CCDC3: variants seen among roughly 807,000 people sequenced by gnomAD.
CCDC3 encodes the protein coiled-coil domain-containing protein 3.
In CCDC3, 24 loss-of-function variants were observed where a neutral mutation model predicts 21.4. That is an observed-to-expected ratio of 1.12 (90% confidence interval 0.81 to 1.58). The LOEUF is 1.58. Among genes scored for constraint, CCDC3 ranks in the 40% most tolerant of loss-of-function variants. The probability of loss-of-function intolerance (pLI) is 0.00; values close to 1 mark genes in which losing one functional copy is unlikely to be tolerated. For missense variants in CCDC3, 425 were observed against 360.9 expected, an observed-to-expected ratio of 1.18 and a Z score of -1.44; for synonymous variants, 186 against 166.0, an observed-to-expected ratio of 1.12 and a Z score of -0.93.
At chr10:13,079,923 A>G (rs1188807869) in intron 3 of CCDC3, among the ~76,000 whole-genome samples, 1 of 152,208 alleles carries the variant, frequency 6.6e-6, no homozygotes, top group Non-Finnish European at 1.5e-5. Context: ...AGGTTAAAAA[A>G]AGAAAGGGAA....
rs115869147 is a variant in CCDC3, at chr10:12,996,787, G to T, written c.549+1551C>A. 9.5e-3 allele frequency among the ~76,000 whole-genome samples: 1,442 copies of T among 152,112 alleles called. 23 individuals are homozygous for T. The highest frequency in any genetic ancestry group is 0.033 in the African/African-American group (1,360 of 41,534). On this transcript the variant is annotated intron_variant, in intron 2 of 2. Transcript: ENST00000378825. ...TTGAATCCTGTCCTTTGCAGACATG[G>T]ATGCAGCTGGAGGCCATTATCCTAA...
At chr10:12,940,379 A>G (rs1486938944) in intron 2 of CCDC3, among the ~76,000 whole-genome samples, 1 of 152,162 alleles carries the variant, frequency 6.6e-6, no homozygotes, top group Non-Finnish European at 1.5e-5. Context: ...TGAAAAGATC[A>G]GCAAGAACCT....
At chr10:13,026,934 C>A (rs549791221) in intron 5 of CCDC3, among the ~76,000 whole-genome samples, 2 of 152,200 alleles carry the variant, frequency 1.3e-5, no homozygotes, top group Admixed American at 1.3e-4. Context: ...TCCTCCTGAA[C>A]AGATCCGTCA....
chr10:13,013,779 G>A (rs1836013869), intron 5 of CCDC3, among the ~76,000 whole-genome samples: 1 of 152,054 alleles, frequency 6.6e-6, no homozygotes, highest in Non-Finnish European at 1.5e-5. Flanking sequence ...CAAAATAACT[G>A]GCCTATAATC....
chr10:12,919,361 C>G (rs561255896), intron 2 of CCDC3, among the ~76,000 whole-genome samples: 2 of 151,976 alleles, frequency 1.3e-5, no homozygotes, highest in East Asian at 1.9e-4. Context: ...AGGCTGAGGC[C>G]GGCGGATCAC....
chr10:13,052,760 T>G, intron 4 of CCDC3, among the ~76,000 whole-genome samples: 1 of 152,098 alleles, frequency 6.6e-6, no homozygotes, highest in South Asian at 2.1e-4. Context: ...GCCAGCATGG[T>G]GAAACCCTGT....
intron 2 of CCDC3, among the ~76,000 whole-genome samples, chr10:12,937,325 T>G (rs1161508635): frequency 6.6e-6 from 1 of 152,182 alleles, no homozygotes; most frequent in Admixed American, 6.5e-5. Flanking sequence ...CCTATTTATT[T>G]TCACTCATTT....
At chr10:13,009,303 A>G (rs558716379) in intron 5 of CCDC3, among the ~76,000 whole-genome samples, 11 of 152,216 alleles carry the variant, frequency 7.2e-5, no homozygotes, top group Non-Finnish European at 1.5e-4. Context: ...TATTTTTTTC[A>G]TAGGTTGGGA....
intron 2 of CCDC3, among the ~76,000 whole-genome samples, chr10:12,918,987 C>T (rs970099726): frequency 3.3e-5 from 5 of 152,068 alleles, no homozygotes; most frequent in East Asian, 3.9e-4. Context: ...ACCCGGGAGG[C>T]GGAGCTTGCA....
rs145984558 is a variant in CCDC3, at chr10:13,024,248, GA to G, written c.-2+25425del. 4.5e-3 allele frequency among the ~76,000 whole-genome samples: 683 copies of G among 151,670 alleles called. 30 individuals carry two copies. In the South Asian group the frequency reaches 0.076, roughly 17 times the overall value. ...TTAGTTTTTTTTTTCAGTCCAGGCTGATATAATTTTATTAAAATTTGTATAG... is the reference window on the plus strand; with the variant it reads ...TTAGTTTTTTTTTTCAGTCCAGGCTGTATAATTTTATTAAAATTTGTATAG... On this transcript the variant is annotated intron_variant, in intron 5 of 6. Transcript: ENST00000378839.
chr10:12,978,685 T>C, intron 2 of CCDC3, among the ~76,000 whole-genome samples: 1 of 152,016 alleles, frequency 6.6e-6, no homozygotes, highest in East Asian at 1.9e-4. Flanking sequence ...GCAAACCTAG[T>C]CTGCAGACAC....
chr10:12,918,065 A>C (rs560128309), intron 2 of CCDC3, among the ~76,000 whole-genome samples: 13 of 152,292 alleles, frequency 8.5e-5, no homozygotes, highest in African/African-American at 3.1e-4. Context: ...AAGCTTTTCC[A>C]AGTAGCAAAT....
intron 3 of CCDC3, among the ~76,000 whole-genome samples, chr10:13,084,839 G>A (rs1837083829): frequency 6.6e-6 from 1 of 152,172 alleles, no homozygotes; most frequent in Admixed American, 6.5e-5. Context: ...AGGAAGGAGA[G>A]CACAGTATGG....
chr10:13,079,942 T>C (rs1330593699), intron 3 of CCDC3, among the ~76,000 whole-genome samples: 1 of 151,600 alleles, frequency 6.6e-6, no homozygotes, highest in Non-Finnish European at 1.5e-5. Context: ...AACTCAAGAA[T>C]GCAAAGAGAA....
chr10:12,911,582 T>C (rs1342584076), intron 2 of CCDC3, among the ~76,000 whole-genome samples: 1 of 152,240 alleles, frequency 6.6e-6, no homozygotes, highest in Admixed American at 6.5e-5. Context: ...AAAATTTATA[T>C]TGAACATGTA....
chr10:13,068,155 C>T (rs1334495960), intron 4 of CCDC3, among the ~76,000 whole-genome samples: 1 of 152,210 alleles, frequency 6.6e-6, no homozygotes, highest in Admixed American at 6.5e-5. Flanking sequence ...GCAGATATAT[C>T]CCTCTCAAAA....
rs1331773352 is a variant in CCDC3, at chr10:12,994,905, A to AC, written c.549+3432dup. ...AGACCAGCCAGGCCAACATGGTGAA[A>AC]CCCCCTCTCTACTAAAAATACAAAA... On this transcript the variant is annotated intron_variant, in intron 2 of 2. Coordinates refer to ENST00000378825, the MANE Select transcript of CCDC3 (RefSeq NM_031455.4). Among the ~76,000 whole-genome samples, 5 of 151,876 alleles carry AC rather than the reference A, an allele frequency of 3.3e-5. 1 individual carries two copies. The highest frequency in any genetic ancestry group is 1.2e-4 in the African/African-American group (5 of 41,294).
chr10:12,958,013 G>A (rs1057271368), intron 2 of CCDC3, among the ~76,000 whole-genome samples: 7 of 151,934 alleles, frequency 4.6e-5, no homozygotes, highest in African/African-American at 1.7e-4. Context: ...TTGTAGTAGA[G>A]ACGGGGTTTC....
intron 2 of CCDC3, among the ~76,000 whole-genome samples, chr10:12,937,478 C>A (rs1411304211): frequency 6.6e-6 from 1 of 151,810 alleles, no homozygotes; most frequent in Non-Finnish European, 1.5e-5. Flanking sequence ...TTGCTTTTTT[C>A]TAAGACAGGG....
Sources: allele counts gnomAD v4.1 joint callset (sites outside exome capture counted in the v4.1 genomes callset), GRCh38; gene constraint gnomAD v4.1.1; transcripts MANE v1.5; gene names NCBI Gene and HGNC (gene_info 2026-07-23, HGNC 2026-07-21).